CNTN5: variants seen among roughly 807,000 people sequenced by gnomAD.
CNTN5 encodes contactin 5, also known as contactin-5.
Under a neutral mutation model 129.1 loss-of-function variants are expected in CNTN5, and 77 were observed. The observed-to-expected ratio is 0.60, with a 90% CI of 0.50 to 0.72. CNTN5 has a LOEUF of 0.72. Ranked by LOEUF, CNTN5 falls within the 30% of genes least tolerant of loss-of-function variation. The probability of loss-of-function intolerance (pLI) is 0.00; values close to 1 mark genes in which losing one functional copy is unlikely to be tolerated. For synonymous variants in CNTN5, 509 were observed against 465.6 expected (o/e 1.09, Z -1.20); for missense variants, 1,478 against 1,328.8 (o/e 1.11, Z -1.75).
chr11:99,431,184 C>A (rs927374967), intron 2 of CNTN5, among the ~76,000 whole-genome samples: 7 of 152,014 alleles, frequency 4.6e-5, no homozygotes, highest in Non-Finnish European at 8.8e-5. Context: ...TTATTTAGAG[C>A]TCTGATGGTA....
chr11:100,039,789 G>A (rs911306406), intron 9 of CNTN5, among the ~76,000 whole-genome samples: 11 of 152,096 alleles, frequency 7.2e-5, no homozygotes, highest in African/African-American at 2.2e-4. Flanking sequence ...CATTCGTCAC[G>A]TAGCTCTCAT....
At chr11:99,518,819 C>T (rs10893447) in intron 2 of CNTN5, among the ~76,000 whole-genome samples, 30,405 of 151,902 alleles carry the variant, frequency 0.2, 3,350 homozygotes, top group Admixed American at 0.24. Flanking sequence ...AAAACTTTTA[C>T]ATTGTCTACC....
At chr11:99,886,908 G>A (rs1565639854) in intron 6 of CNTN5, among the ~76,000 whole-genome samples, 2 of 151,870 alleles carry the variant, frequency 1.3e-5, no homozygotes, top group Non-Finnish European at 2.9e-5. Flanking sequence ...TTTTAAAAAA[G>A]GATCTATAAG....
At chr11:99,142,242 A>G (rs1403650385) in intron 1 of CNTN5, among the ~76,000 whole-genome samples, 1 of 152,150 alleles carries the variant, frequency 6.6e-6, no homozygotes, top group Non-Finnish European at 1.5e-5. Flanking sequence ...GGTGTGTGCC[A>G]GAAAAGCACA....
At chr11:99,693,081 C>T (rs1954107710) in intron 3 of CNTN5, among the ~76,000 whole-genome samples, 1 of 152,160 alleles carries the variant, frequency 6.6e-6, no homozygotes, top group Admixed American at 6.5e-5. Context: ...GTAAAAATTA[C>T]ATAAGCAAGC....
In CNTN5 at chr11:99,507,222, C is replaced by A. The variant is rs1050092471; in HGVS notation, c.-70-48923C>A. On this transcript the variant is annotated intron_variant, in intron 2 of 24. Transcript: ENST00000524871. ...GAAACTCTCTTCTACACTAAAAATACAAAAATTAGCTAGGCATGGTGGTGC... is the reference window on the plus strand; with the variant it reads ...GAAACTCTCTTCTACACTAAAAATAAAAAAATTAGCTAGGCATGGTGGTGC... Among the ~76,000 whole-genome samples the A allele has an allele frequency of 1.3e-3, 197 of 151,700 alleles. 3 individuals carry two copies. Among genetic ancestry groups the A allele is most frequent in the Admixed American group, 1.2e-3 (19 of 15,238 alleles).
chr11:99,234,106 A>G (rs1861144822), intron 1 of CNTN5, among the ~76,000 whole-genome samples: 1 of 152,216 alleles, frequency 6.6e-6, no homozygotes, highest in African/African-American at 2.4e-5. Flanking sequence ...ACATTTCTGA[A>G]TGTTTTCTTG....
chr11:99,856,954 A>G (rs939914680), intron 6 of CNTN5, among the ~76,000 whole-genome samples: 3 of 151,870 alleles, frequency 2.0e-5, no homozygotes, highest in African/African-American at 4.8e-5. Flanking sequence ...TCAATAACCC[A>G]CGTCTCTCTG....
chr11:99,703,553 C>T (rs1037073568), intron 3 of CNTN5, among the ~76,000 whole-genome samples: 22 of 150,726 alleles, frequency 1.5e-4, no homozygotes, highest in South Asian at 4.1e-4. Context: ...GTAAGTGTTA[C>T]TGTTTCTGTT....
At chr11:99,284,115 A>C (rs1313022430) in intron 1 of CNTN5, among the ~76,000 whole-genome samples, 1 of 152,158 alleles carries the variant, frequency 6.6e-6, no homozygotes, top group Non-Finnish European at 1.5e-5. Flanking sequence ...CTCTTATCAA[A>C]TAATCTCCTA....
intron 1 of CNTN5, among the ~76,000 whole-genome samples, chr11:99,300,319 T>G (rs1362393521): frequency 6.6e-6 from 1 of 152,172 alleles, no homozygotes; most frequent in Admixed American, 6.5e-5. Context: ...GTTGATAATT[T>G]TTATCATGAG....
intron 10 of CNTN5, 117 bp from the exon 11 acceptor site, chr11:100,070,307 C>G (rs1424204730): frequency 1.9e-6 from 2 of 1,054,740 alleles, no homozygotes; most frequent in East Asian, 2.6e-5. Flanking sequence ...TTCAAAATAC[C>G]TATGGTTGAA....
At chr11:99,685,983 C>T (rs745358575) in intron 3 of CNTN5, among the ~76,000 whole-genome samples, 1 of 151,902 alleles carries the variant, frequency 6.6e-6, no homozygotes, top group African/African-American at 2.4e-5. Context: ...TTACAGATAA[C>T]CCTGAAGAGC....
At chr11:99,503,608 T>C (rs1035331154) in intron 2 of CNTN5, among the ~76,000 whole-genome samples, 1 of 152,190 alleles carries the variant, frequency 6.6e-6, no homozygotes, top group Non-Finnish European at 1.5e-5. Flanking sequence ...ATCTTTCACC[T>C]TTGTTGGACT....
At chr11:99,163,417 C>T (rs1372207702) in intron 1 of CNTN5, among the ~76,000 whole-genome samples, 1 of 151,622 alleles carries the variant, frequency 6.6e-6, no homozygotes, top group Non-Finnish European at 1.5e-5. Context: ...GTTATGTATG[C>T]TAGTTTTCTC....
At chr11:99,716,274 T>C (rs80189516) in intron 3 of CNTN5, among the ~76,000 whole-genome samples, 4,747 of 152,158 alleles carry the variant, frequency 0.031, 164 homozygotes, top group East Asian at 0.19. Context: ...ATAAAGATAC[T>C]TTCCAATTTT....
At chr11:99,975,320 G>A (rs917965180) in intron 8 of CNTN5, among the ~76,000 whole-genome samples, 8 of 152,078 alleles carry the variant, frequency 5.3e-5, no homozygotes, top group Admixed American at 2.6e-4. Flanking sequence ...GCTCGTTTTC[G>A]GACTTGCATG....
intron 13 of CNTN5, among the ~76,000 whole-genome samples, chr11:100,089,657 A>C (rs1465728289): frequency 6.6e-6 from 1 of 152,198 alleles, no homozygotes; most frequent in East Asian, 1.9e-4. Flanking sequence ...AATGCCCTTC[A>C]TTGATAGACT....
At chr11:100,205,783 T>C (rs1402723155) in intron 15 of CNTN5, among the ~76,000 whole-genome samples, 1 of 152,132 alleles carries the variant, frequency 6.6e-6, no homozygotes, top group African/African-American at 2.4e-5. Flanking sequence ...CTGTAGAGTA[T>C]GCATTAGGTT....
Sources: allele counts gnomAD v4.1 joint callset (sites outside exome capture counted in the v4.1 genomes callset), GRCh38; gene constraint gnomAD v4.1.1; transcripts MANE v1.5; gene names NCBI Gene and HGNC (gene_info 2026-07-23, HGNC 2026-07-21).